ENOX1: variants seen among roughly 807,000 people sequenced by gnomAD.
ENOX1 encodes candidate growth-related and time keeping constitutive hydroquinone (NADH) oxidase.
ENOX1 carries 42 observed loss-of-function variants against 82.5 expected under a neutral mutation model. That is an observed-to-expected ratio of 0.51 (90% CI 0.40 to 0.66). ENOX1 has a LOEUF of 0.66. ENOX1 is among the 30% of genes least tolerant of loss of function. The pLI is 0.00. For synonymous variants in ENOX1, 271 were observed against 282.2 expected, an observed-to-expected ratio of 0.96 and a Z score of 0.40; for missense variants, 608 against 811.6, an observed-to-expected ratio of 0.75 and a Z score of 3.05.
chr13:43,658,486 A>G (rs2084553950), intron 2 of ENOX1, among the ~76,000 whole-genome samples: 1 of 152,190 alleles, frequency 6.6e-6, no homozygotes, highest in South Asian at 2.1e-4. Flanking sequence ...CCTTAGAATC[A>G]TGTAGTGTTC....
chr13:43,258,419 T>G (rs977223353), intron 14 of ENOX1, among the ~76,000 whole-genome samples: 2 of 151,968 alleles, frequency 1.3e-5, no homozygotes, highest in Non-Finnish European at 2.9e-5. Flanking sequence ...GGCAGCTGCA[T>G]AGGGGCAGGG....
intron 2 of ENOX1, among the ~76,000 whole-genome samples, chr13:43,549,387 A>G (rs2079095721): frequency 6.6e-6 from 1 of 152,242 alleles, no homozygotes; most frequent in South Asian, 2.1e-4. Context: ...CAAGAATAGC[A>G]AAATAACAAC....
intron 2 of ENOX1, among the ~76,000 whole-genome samples, chr13:43,654,373 C>A (rs1353715942): frequency 6.6e-6 from 1 of 152,156 alleles, no homozygotes; most frequent in Non-Finnish European, 1.5e-5. Flanking sequence ...TTGGACTTAC[C>A]AGCACCGCAT....
intron 5 of ENOX1, among the ~76,000 whole-genome samples, chr13:43,385,223 C>G (rs2052335142): frequency 6.6e-6 from 1 of 151,464 alleles, no homozygotes; most frequent in African/African-American, 2.4e-5. Flanking sequence ...CAATAAATAA[C>G]TCTTAGAATA....
chr13:43,353,965 C>A (rs1435245241), intron 8 of ENOX1, among the ~76,000 whole-genome samples: 1 of 152,222 alleles, frequency 6.6e-6, no homozygotes, highest in Non-Finnish European at 1.5e-5. Flanking sequence ...CGTGCGGAGA[C>A]ACTTCTGTAC....
Position 43,707,461 on chromosome 13 carries a change from C to T in ENOX1, c.-284-39917G>A, listed in dbSNP as rs1031593355. 7.2e-5 allele frequency among the ~76,000 whole-genome samples: 11 copies of T among 152,170 alleles called. No homozygotes were observed. The South Asian group carries it at 2.1e-3, about 29-fold the overall frequency. On this transcript the variant is annotated intron_variant, in intron 1 of 16. Coordinates refer to ENST00000690772, the MANE Select transcript of ENOX1 (RefSeq NM_001347969.2). ...TTAAAACAATAAGAACAGGGTGGGG[C>T]GCAGTGGCTCACGCCTGTAATCCCA...
chr13:43,517,285 G>A (rs903250773), intron 2 of ENOX1, among the ~76,000 whole-genome samples: 3 of 152,086 alleles, frequency 2.0e-5, no homozygotes, highest in Admixed American at 2.0e-4. Context: ...TCACCTTGAG[G>A]TCAGGAGTTC....
At chr13:43,470,284 A>ATATATACACGTATATATATG (rs2057950451) in intron 3 of ENOX1, among the ~76,000 whole-genome samples, 1 of 36,490 alleles carries the variant, frequency 2.7e-5, no homozygotes, top group African/African-American at 7.9e-5. Flanking sequence ...ATATATATAC[A>ATATATACACGTATATATATG]TATATATATA....
At chr13:43,266,927 T>C (rs2044407151) in intron 13 of ENOX1, among the ~76,000 whole-genome samples, 1 of 152,210 alleles carries the variant, frequency 6.6e-6, no homozygotes, top group Non-Finnish European at 1.5e-5. Context: ...CACCTTTACG[T>C]GTTTACCAAC....
intron 2 of ENOX1, among the ~76,000 whole-genome samples, chr13:43,635,896 G>A (rs140043069): frequency 6.6e-6 from 1 of 152,282 alleles, no homozygotes; most frequent in African/African-American, 2.4e-5. Context: ...AAGGGGGCCA[G>A]CAGTTCTCAT....
At chr13:43,691,740 A>G (rs1190542661) in intron 1 of ENOX1, among the ~76,000 whole-genome samples, 2 of 137,566 alleles carry the variant, frequency 1.5e-5, no homozygotes, top group African/African-American at 2.8e-5. Context: ...TCTTTCTGTC[A>G]CCCAGGCTGG....
chr13:43,631,438 GCT>G (rs2083212036), intron 2 of ENOX1, among the ~76,000 whole-genome samples: 1 of 152,134 alleles, frequency 6.6e-6, no homozygotes, highest in Non-Finnish European at 1.5e-5. Flanking sequence ...TAAGCCTGGG[GCT>G]CTTTCAGCTT....
chr13:43,696,658 T>A (rs1478579811), intron 1 of ENOX1, among the ~76,000 whole-genome samples: 1 of 152,110 alleles, frequency 6.6e-6, no homozygotes, highest in African/African-American at 2.4e-5. Flanking sequence ...AAGATCTGGG[T>A]GGGTTTTGAT....
intron 1 of ENOX1, among the ~76,000 whole-genome samples, chr13:43,759,774 C>T (rs1402904005): frequency 1.3e-5 from 2 of 152,094 alleles, no homozygotes; most frequent in East Asian, 3.9e-4. Context: ...GTATTTACTT[C>T]TTGGATGATG....
At chr13:43,695,958 T>A (rs145112907) in intron 1 of ENOX1, among the ~76,000 whole-genome samples, 74 of 152,258 alleles carry the variant, frequency 4.9e-4, no homozygotes, top group African/African-American at 1.3e-3. Flanking sequence ...ATCCCCCCAC[T>A]ACAACCCATG....
intron 1 of ENOX1, among the ~76,000 whole-genome samples, chr13:43,756,130 G>A (rs990525813): frequency 1.3e-5 from 2 of 152,158 alleles, no homozygotes; most frequent in Non-Finnish European, 2.9e-5. Flanking sequence ...TTAAGTGCCA[G>A]AGGTCCAAAG....
At chr13:43,707,100 C>T (rs1358977267) in intron 1 of ENOX1, among the ~76,000 whole-genome samples, 11 of 152,038 alleles carry the variant, frequency 7.2e-5, no homozygotes, top group Admixed American at 5.9e-4. Flanking sequence ...TGAAAATCAA[C>T]TCTATTTCTA....
chr13:43,718,371 T>C (rs1348681110), intron 1 of ENOX1, among the ~76,000 whole-genome samples: 1 of 151,884 alleles, frequency 6.6e-6, no homozygotes, highest in Non-Finnish European at 1.5e-5. Flanking sequence ...CACTGGGAAC[T>C]ACCAGATGGG....
At chr13:43,333,254 G>A (rs751900363) in intron 9 of ENOX1, among the ~76,000 whole-genome samples, 1 of 152,186 alleles carries the variant, frequency 6.6e-6, no homozygotes, top group Non-Finnish European at 1.5e-5. Flanking sequence ...GTACTGGCAA[G>A]TTGCACTCTA....
Sources: allele counts gnomAD v4.1 joint callset (sites outside exome capture counted in the v4.1 genomes callset), GRCh38; gene constraint gnomAD v4.1.1; transcripts MANE v1.5; gene names NCBI Gene and HGNC (gene_info 2026-07-23, HGNC 2026-07-21).